The following TESK2 variants were observed in gnomAD, a reference collection of about 807,000 sequenced individuals.
TESK2 encodes testis associated actin remodelling kinase 2.
TESK2 carries 39 observed loss-of-function variants against 57.1 expected under a neutral mutation model. The ratio of observed to expected loss-of-function variants is 0.68; its 90% confidence interval spans 0.53 to 0.89. The LOEUF (loss-of-function observed/expected upper bound fraction) is 0.89, where lower values mean the gene tolerates loss of function less well. Among genes scored for constraint, TESK2 ranks in the 40% least tolerant of loss-of-function variants. The pLI, the probability that TESK2 is intolerant of heterozygous loss-of-function variation, is 0.00. For synonymous variants in TESK2, 249 were observed against 267.9 expected (o/e 0.93, Z 0.69); for missense variants, 646 against 732.1 (o/e 0.88, Z 1.36).
intron 4 of TESK2, among the ~76,000 whole-genome samples, chr1:45,357,559 TAA>T (rs775657953): frequency 2.2e-4 from 25 of 114,882 alleles, no homozygotes; most frequent in Admixed American, 2.7e-4. Context: ...GCTTTTTTAG[TAA>T]AAAAAAAAAA....
At chr1:45,396,981 A>T (rs1649397515) in intron 3 of TESK2, among the ~76,000 whole-genome samples, 1 of 148,544 alleles carries the variant, frequency 6.7e-6, no homozygotes, top group African/African-American at 2.5e-5. Context: ...ACCATGCCTG[A>T]CTAATTTTGG....
intron 3 of TESK2, among the ~76,000 whole-genome samples, chr1:45,417,178 T>C (rs1169305399): frequency 6.6e-6 from 1 of 152,160 alleles, no homozygotes; most frequent in African/African-American, 2.4e-5. Flanking sequence ...GCTTATTTCA[T>C]TTAGTGTAAC....
At chr1:45,456,183 G>A (rs1254162473) in intron 2 of TESK2, among the ~76,000 whole-genome samples, 3 of 151,538 alleles carry the variant, frequency 2.0e-5, no homozygotes, top group Admixed American at 6.6e-5. Context: ...GTGACAGAGC[G>A]AAACCCTGTC....
chr1:45,387,768 A>T (rs1020964957), intron 3 of TESK2, among the ~76,000 whole-genome samples: 1 of 152,190 alleles, frequency 6.6e-6, no homozygotes, highest in Non-Finnish European at 1.5e-5. Flanking sequence ...GCATTTTGGG[A>T]GGCCAAGGCG....
intron 4 of TESK2, among the ~76,000 whole-genome samples, chr1:45,375,400 T>G (rs922801928): frequency 6.8e-6 from 1 of 148,046 alleles, no homozygotes; most frequent in East Asian, 2.0e-4. Flanking sequence ...CACTTTGATA[T>G]CCACACAGCT....
intron 2 of TESK2, among the ~76,000 whole-genome samples, chr1:45,435,238 C>T (rs1202468794): frequency 6.6e-6 from 1 of 152,010 alleles, no homozygotes; most frequent in African/African-American, 2.4e-5. Context: ...CCAATCCTCT[C>T]ACCTCAGTCT....
At chr1:45,355,484 T>G (rs764245394) in intron 4 of TESK2, 35 bp from the exon 5 acceptor site, 3 of 1,587,768 alleles carry the variant, frequency 1.9e-6, no homozygotes, top group South Asian at 2.3e-5. Context: ...CTACCATTTA[T>G]CAGAAATATT....
chr1:45,487,212 C>CAT (rs1015467257), intron 1 of TESK2, among the ~76,000 whole-genome samples: 1 of 152,146 alleles, frequency 6.6e-6, no homozygotes, highest in Non-Finnish European at 1.5e-5. Context: ...CTATCCCAAA[C>CAT]ATATATCTGT....
At chr1:45,427,104 A>G (rs1211396024) in intron 2 of TESK2, among the ~76,000 whole-genome samples, 3 of 151,996 alleles carry the variant, frequency 2.0e-5, no homozygotes, top group Non-Finnish European at 2.9e-5. Context: ...TTAGCTGGGC[A>G]TGGTAGTGCA....
chr1:45,433,065 C>CCT (rs1557571825), intron 2 of TESK2, among the ~76,000 whole-genome samples: 1 of 43,610 alleles, frequency 2.3e-5, no homozygotes, highest in Non-Finnish European at 3.8e-5. Context: ...CGCCCAGCCG[C>CCT]TTTTTTTTTT....
rs537097714 is a variant in TESK2 at position 45,436,436 on chromosome 1, C to T, written c.223-14590G>A. Among the ~76,000 whole-genome samples the T allele has an allele frequency of 7.2e-5, 10 of 139,514 alleles. 1 individual carries two copies. The South Asian group carries it at 1.6e-3, about 23-fold the overall frequency. 91.5% of individuals were successfully genotyped at this position (139,514 alleles called of 152,430 possible). A position where few individuals can be genotyped will look rare whatever the true frequency, so the allele number is the denominator to read the frequency against. ...CTGACCTCAGAAGATCCGCCTACTT[C>T]GGCCTCCCAAAGTGCTGGGATCATG... On this transcript the variant is annotated intron_variant, in intron 2 of 10. Transcript: ENST00000372086.
intron 2 of TESK2, among the ~76,000 whole-genome samples, chr1:45,453,666 G>A (rs905542277): frequency 3.3e-5 from 5 of 152,004 alleles, no homozygotes; most frequent in African/African-American, 1.2e-4. Context: ...AAAGCAAAAG[G>A]TAACAAAAGA....
intron 2 of TESK2, among the ~76,000 whole-genome samples, chr1:45,448,092 G>T (rs180736797): frequency 1.1e-4 from 16 of 146,002 alleles, no homozygotes; most frequent in Admixed American, 2.7e-4. Context: ...ACAAAAATTA[G>T]CCAAGCATGC....
chr1:45,385,716 A>G (rs902443745), intron 4 of TESK2, among the ~76,000 whole-genome samples, 196 bp downstream of exon 4: 105 of 145,142 alleles, frequency 7.2e-4, no homozygotes, highest in African/African-American at 2.5e-3. Flanking sequence ...GTGTGTATAT[A>G]TATATATATA....
intron 2 of TESK2, among the ~76,000 whole-genome samples, chr1:45,427,762 G>T (rs1392968070): frequency 6.6e-6 from 1 of 152,176 alleles, no homozygotes; most frequent in Admixed American, 6.5e-5. Context: ...CAGAGGCTGG[G>T]AAGGGTAGTG....
rs114750697 is a variant in TESK2 at position 45,350,161 on chromosome 1, C to T, written c.541-2161G>A. On this transcript the variant is annotated intron_variant, in intron 5 of 10. Coordinates refer to ENST00000372086, the MANE Select transcript of TESK2 (RefSeq NM_007170.3). ...TCTCAAAAATTAAAATTAAAAAAAG[C>T]GTGTGTCAAACGTATACAATAATCA... Among the ~76,000 whole-genome samples, 658 of 152,102 alleles carry T rather than the reference C, an allele frequency of 4.3e-3. 9 individuals are homozygous for T. Among genetic ancestry groups the T allele is most frequent in the African/African-American group, 0.015 (622 of 41,488 alleles).
intron 1 of TESK2, among the ~76,000 whole-genome samples, chr1:45,464,433 A>C (rs1652457107): frequency 6.6e-6 from 1 of 152,068 alleles, no homozygotes; most frequent in Non-Finnish European, 1.5e-5. Flanking sequence ...AAAAAAAAAA[A>C]AAAAAAGTCT....
At chr1:45,387,384 A>G (rs1413232444) in intron 3 of TESK2, among the ~76,000 whole-genome samples, 4 of 152,170 alleles carry the variant, frequency 2.6e-5, no homozygotes, top group Non-Finnish European at 4.4e-5. Flanking sequence ...CCATAAATCA[A>G]TGAGTATGAC....
Position 45,344,949 on chromosome 1 carries a change from G to T in TESK2, c.1607C>A (p.Ala536Glu). ...SRPQGTSPCP[A>E]GASEEMEVEE... is the part of the protein sequence containing the mutation. ...TACCTCCATCTCCTCAGAAGCACCC[G>T]CAGGGCATGGACTGGTCCCCTGGGG... is the stretch of plus-strand genomic sequence containing the variant. Residue 536 changes from alanine to glutamate, a missense_variant, in exon 11 of 11, where the codon GCG becomes GAG. Coordinates refer to ENST00000372086, the MANE Select transcript of TESK2 (RefSeq NM_007170.3). 1.2e-6 allele frequency: 2 copies of T among 1,614,214 alleles called. No individual in the cohort carries two copies. Among genetic ancestry groups the T allele is most frequent in the Non-Finnish European group, 1.7e-6 (2 of 1,180,032 alleles).
Sources: gnomAD v4.1 joint callset for allele counts (sites outside exome capture counted in the v4.1 genomes callset) on GRCh38, gnomAD v4.1.1 for gene constraint, MANE v1.5 for transcripts, NCBI Gene and HGNC (gene_info 2026-07-23, HGNC 2026-07-21) for gene names.